Variants in DDX60 observed in about 807,000 individuals in gnomAD.
DDX60 encodes DExD/H-box helicase 60.
A neutral mutation model predicts 212.8 loss-of-function variants in DDX60; 165 were observed. The observed-to-expected ratio is 0.78, with a 90% CI of 0.68 to 0.88. The LOEUF (loss-of-function observed/expected upper bound fraction) is 0.88, where lower values mean the gene tolerates loss of function less well. Among genes scored for constraint, DDX60 ranks in the 40% least tolerant of loss-of-function variants. The pLI is 0.00. For missense variants in DDX60, 1,905 were observed against 2,003.9 expected (o/e 0.95, Z 0.94); for synonymous variants, 703 against 685.3 (o/e 1.03, Z -0.40).
At position 168,268,962 on chromosome 4, in the gene DDX60, C is replaced by T; in HGVS notation, c.2678G>A (p.Cys893Tyr). 1 of 1,516,652 alleles carries T rather than the reference C, an allele frequency of 6.6e-7. No homozygotes were observed. Among genetic ancestry groups the T allele is most frequent in the Non-Finnish European group, 8.9e-7 (1 of 1,125,334 alleles). The allele number at this position is 1,516,652 out of a possible 1,614,324, so 93.9% of individuals were successfully genotyped here. The change falls in exon 20 of 38, where the codon TGT (cysteine) becomes TAT (tyrosine). Residue 893 changes from cysteine to tyrosine, a missense_variant. Cys to Tyr is a radical substitution (Grantham distance 194). Transcript: ENST00000393743. ...TTCTGCTCCAATTTCTCCACCAAGA[C>T]AATGAACCTATTAAACAAAAAAAAA... is the stretch of plus-strand genomic sequence containing the variant. ...IRYVIFDEVH[C>Y]LGGEIGAEIW... is the part of the protein sequence containing the mutation.
At chr4:168,270,981 G>A (rs1247362803) in intron 19 of DDX60, among the ~76,000 whole-genome samples, 1 of 148,184 alleles carries the variant, frequency 6.7e-6, no homozygotes, top group East Asian at 2.0e-4. Context: ...GGGTTCAAGT[G>A]GTTCTCCTGC....
At chr4:168,227,427 C>T (rs1056268232) in intron 33 of DDX60, among the ~76,000 whole-genome samples, 1 of 151,946 alleles carries the variant, frequency 6.6e-6, no homozygotes, top group Non-Finnish European at 1.5e-5. Context: ...ATTTTCTTTT[C>T]TGATACTTGT....
At position 168,225,542 on chromosome 4, in the gene DDX60, T is replaced by C. The variant is rs1733222696; in HGVS notation, c.4668A>G (p.Pro1556=). The change falls in exon 34 of 38, where the codon CCA becomes CCG. Residue 1556 remains proline, a synonymous_variant. Transcript: ENST00000393743. ...AAATATACTTACTGATTTTTGACAATGGGAGTTGATATTCCTGATTCATAT... is the reference window on the plus strand; with the variant it reads ...AAATATACTTACTGATTTTTGACAACGGGAGTTGATATTCCTGATTCATAT... ...LADMNQEYQL[P]LSKIKFTGKE... The C allele has an allele frequency of 3.1e-6, 5 of 1,605,636 alleles. No homozygotes were observed. The highest frequency in any genetic ancestry group is 2.2e-5 in the South Asian group (2 of 89,228).
rs548035381 is a variant in DDX60, at chr4:168,224,276, A to G, written c.4791T>C (p.Asp1597=). 1.9e-5 allele frequency: 30 copies of G among 1,612,570 alleles called. 1 individual carries two copies. The South Asian group carries it at 3.3e-4, about 18-fold the overall frequency. ...GAGTTTCTAGTCGAAGCAAATCATC[A>G]TCAAAGTTCCCAGACAGACAAACAA... ...SPFVCLSGNF[D]DDLLRLETPN... The change falls in exon 35 of 38, where the codon GAT becomes GAC. Residue 1597 remains aspartate (D), a synonymous_variant. Coordinates refer to ENST00000393743, the MANE Select transcript of DDX60 (RefSeq NM_017631.6).
At position 168,306,397 on chromosome 4, in the gene DDX60, G is replaced by C; in HGVS notation, c.588C>G (p.His196Gln). ...YAYLLPSMYRHQIFSWKNKQN... is the reference protein window; with the variant it reads ...YAYLLPSMYRQQIFSWKNKQN... ...GAATTACCTTCCAGGAAAAAATCTG[G>C]TGTCTGTACATGCTTGGAAGAAGGT... Residue 196 changes from histidine (H) to glutamine (Q), a missense_variant, in exon 5 of 38, where the codon CAC (histidine) becomes CAG (glutamine). Physicochemically the swap from His to Gln is conservative, Grantham distance 24. Coordinates refer to ENST00000393743, the MANE Select transcript of DDX60 (RefSeq NM_017631.6). 1 of 1,596,302 alleles carries C rather than the reference G, an allele frequency of 6.3e-7. No individual in the cohort carries two copies. The highest frequency in any genetic ancestry group is 2.2e-5 in the East Asian group (1 of 44,540).
At chr4:168,225,145 A>G (rs1485057382) in intron 34 of DDX60, among the ~76,000 whole-genome samples, 1 of 152,074 alleles carries the variant, frequency 6.6e-6, no homozygotes, top group Non-Finnish European at 1.5e-5. Flanking sequence ...CTCACAGCTA[A>G]TAAGTAGCAG....
intron 8 of DDX60, among the ~76,000 whole-genome samples, chr4:168,290,530 G>A (rs1263822514): frequency 2.6e-5 from 4 of 151,372 alleles, no homozygotes; most frequent in East Asian, 1.9e-4. Flanking sequence ...TAGTAGAGAC[G>A]GGGTTTCACC....
At chr4:168,297,298 GAAAGAAAGA>G in intron 6 of DDX60, among the ~76,000 whole-genome samples, 1 of 4,080 alleles carries the variant, frequency 2.5e-4, no homozygotes, top group African/African-American at 2.0e-3. Context: ...AGAGAGAGAC[GAAAGAAAGA>G]AAGAAAGAAA....
chr4:168,269,248 C>T (rs777707314), intron 19 of DDX60, among the ~76,000 whole-genome samples: 1 of 152,186 alleles, frequency 6.6e-6, no homozygotes, highest in African/African-American at 2.4e-5. Flanking sequence ...ACAATACCCA[C>T]TTGACTACTG....
intron 8 of DDX60, among the ~76,000 whole-genome samples, chr4:168,288,907 T>C (rs1443462095): frequency 6.6e-6 from 1 of 152,172 alleles, no homozygotes; most frequent in Non-Finnish European, 1.5e-5. Context: ...ATTTTGAAAA[T>C]ATTAGGGGCT....
chr4:168,300,783 A>C (rs1226796159), intron 6 of DDX60, among the ~76,000 whole-genome samples: 1 of 152,224 alleles, frequency 6.6e-6, no homozygotes, highest in South Asian at 2.1e-4. Flanking sequence ...TGAGAAAGTC[A>C]CTAGCCTGAA....
At chr4:168,322,945 C>A (rs1737634987), upstream of DDX60, among the ~76,000 whole-genome samples, 1 of 152,148 alleles carries the variant, frequency 6.6e-6, no homozygotes, top group East Asian at 1.9e-4. Context: ...ATTTTGCTGG[C>A]TGACTAGACA....
rs756173256 is a variant in DDX60 at position 168,306,631 on chromosome 4, A to G, written c.354T>C (p.Asp118=). 2.5e-6 allele frequency: 4 copies of G among 1,614,188 alleles called. No individual in the cohort carries two copies. Among genetic ancestry groups the G allele is most frequent in the East Asian group, 2.2e-5 (1 of 44,868 alleles). The change falls in exon 5 of 38, where the codon GAT becomes GAC. Residue 118 remains aspartate (D), a synonymous_variant. Coordinates refer to ENST00000393743, the MANE Select transcript of DDX60 (RefSeq NM_017631.6). Reference sequence around the variant, plus strand: ...AGCATCTCGAAAATGTTGTTCGAACATCAATGGTGGTATTCTTCTGAAGAT... The same window carrying G: ...AGCATCTCGAAAATGTTGTTCGAACGTCAATGGTGGTATTCTTCTGAAGAT... ...ILHLQKNTTI[D]VRTTFSRCLS...
rs565478564 is a variant in DDX60, at chr4:168,245,892, C to T, written c.4164+526G>A. Reference sequence around the variant, plus strand: ...TCAGTGTTTAAAAATCAAATGCACACCCATGCCTAGAAAACTGGCTGAAAA... The same window carrying T: ...TCAGTGTTTAAAAATCAAATGCACATCCATGCCTAGAAAACTGGCTGAAAA... On this transcript the variant is annotated intron_variant, in intron 30 of 37. Coordinates refer to ENST00000393743, the MANE Select transcript of DDX60 (RefSeq NM_017631.6). Among the ~76,000 whole-genome samples, 5 of 152,124 alleles carry T rather than the reference C, an allele frequency of 3.3e-5. 1 individual carries two copies. The South Asian group carries it at 1.0e-3, about 32-fold the overall frequency.
chr4:168,268,124 T>C (rs1276344806), intron 20 of DDX60, 141 bp from the exon 21 acceptor site: 7 of 611,096 alleles, frequency 1.1e-5, no homozygotes, highest in Non-Finnish European at 1.9e-5. Context: ...CTACCTGAAA[T>C]TAAATCCCAA....
chr4:168,253,586 A>C (rs1734299685), intron 26 of DDX60, among the ~76,000 whole-genome samples: 1 of 152,146 alleles, frequency 6.6e-6, no homozygotes, highest in African/African-American at 2.4e-5. Context: ...CCTTGACTCA[A>C]GGTGGGGCAA....
intron 33 of DDX60, among the ~76,000 whole-genome samples, chr4:168,226,986 C>A (rs1340453822): frequency 1.3e-5 from 2 of 152,042 alleles, no homozygotes; most frequent in Non-Finnish European, 2.9e-5. Flanking sequence ...AAGTAAATTT[C>A]TGTTGTTTAT....
At chr4:168,272,282 G>A in intron 18 of DDX60, 144 bp from the exon 19 acceptor site, 2 of 668,442 alleles carry the variant, frequency 3.0e-6, no homozygotes, top group Non-Finnish European at 5.0e-6. Context: ...AGAATTCAGG[G>A]TTTCATCAAA....
chr4:168,228,943 A>G (rs1301587599), intron 33 of DDX60, among the ~76,000 whole-genome samples: 1 of 152,140 alleles, frequency 6.6e-6, no homozygotes, highest in East Asian at 1.9e-4. Context: ...AGTTATTTTA[A>G]TTGAGCACAT....
Sources: gnomAD v4.1 joint callset for allele counts (sites outside exome capture counted in the v4.1 genomes callset) on GRCh38, gnomAD v4.1.1 for gene constraint, MANE v1.5 for transcripts, NCBI Gene and HGNC (gene_info 2026-07-23, HGNC 2026-07-21) for gene names.